SYNJ2BP: variants seen among roughly 807,000 people sequenced by gnomAD.
The protein encoded by SYNJ2BP is synaptojanin-2-binding protein.
In SYNJ2BP, 10 loss-of-function variants were observed where a neutral mutation model predicts 16.9. The ratio of observed to expected loss-of-function variants is 0.59; its 90% CI spans 0.36 to 1.00. The LOEUF is 1.00. Ranked by LOEUF, SYNJ2BP falls within the 50% of genes least tolerant of loss-of-function variation. SYNJ2BP has a pLI of 0.01. For missense variants in SYNJ2BP, 162 were observed against 186.7 expected, an observed-to-expected ratio of 0.87 and a Z score of 0.77; for synonymous variants, 54 against 68.4, an observed-to-expected ratio of 0.79 and a Z score of 1.04.
chr14:70,390,023 C>T (rs528067380), intron 1 of SYNJ2BP, among the ~76,000 whole-genome samples: 11 of 151,070 alleles, frequency 7.3e-5, no homozygotes, highest in Admixed American at 4.0e-4. Flanking sequence ...GTAGATCTCA[C>T]GTTAAGTGTT....
chr14:70,402,209 G>A (rs1888254599), intron 1 of SYNJ2BP, among the ~76,000 whole-genome samples: 1 of 152,114 alleles, frequency 6.6e-6, no homozygotes, highest in Admixed American at 6.5e-5. Context: ...AGATTACTTT[G>A]TACTGTGAAA....
chr14:70,397,737 T>G (rs1013941254), intron 1 of SYNJ2BP, among the ~76,000 whole-genome samples: 9 of 152,176 alleles, frequency 5.9e-5, no homozygotes, highest in African/African-American at 1.7e-4. Context: ...CTTCTCTCTT[T>G]CTCTTCACCC....
At chr14:70,393,269 T>C (rs1045125103) in intron 1 of SYNJ2BP, among the ~76,000 whole-genome samples, 1 of 152,188 alleles carries the variant, frequency 6.6e-6, no homozygotes, top group East Asian at 1.9e-4. Context: ...CTCATGCCAA[T>C]TGGAATGGCG....
intron 1 of SYNJ2BP, among the ~76,000 whole-genome samples, chr14:70,407,620 A>G (rs1192646702): frequency 6.6e-6 from 1 of 152,138 alleles, no homozygotes; most frequent in African/African-American, 2.4e-5. Context: ...ATTTTTAAAT[A>G]AATTCTAAGT....
At chr14:70,385,492 G>A (rs1289529037) in intron 2 of SYNJ2BP, among the ~76,000 whole-genome samples, 1 of 151,994 alleles carries the variant, frequency 6.6e-6, no homozygotes, top group Non-Finnish European at 1.5e-5. Context: ...GAGTAGCTGG[G>A]GGACTACAGG....
At chr14:70,406,378 G>A (rs1888345167) in intron 1 of SYNJ2BP, among the ~76,000 whole-genome samples, 1 of 152,210 alleles carries the variant, frequency 6.6e-6, no homozygotes, top group Non-Finnish European at 1.5e-5. Context: ...ATTCCTGGGT[G>A]TAGGCCAAAC....
intron 1 of SYNJ2BP, among the ~76,000 whole-genome samples, chr14:70,396,775 A>G (rs559486811): frequency 2.6e-5 from 4 of 152,268 alleles, no homozygotes; most frequent in African/African-American, 9.6e-5. Flanking sequence ...GCCATTGGCC[A>G]TTTGTATTAC....
chr14:70,404,462 A>C (rs1888305633), intron 1 of SYNJ2BP, among the ~76,000 whole-genome samples: 1 of 152,252 alleles, frequency 6.6e-6, no homozygotes, highest in African/African-American at 2.4e-5. Context: ...GTTATGCTAA[A>C]TTAAGTAACA....
chr14:70,415,785 G>C (rs1425750120), intron 1 of SYNJ2BP, among the ~76,000 whole-genome samples: 1 of 152,110 alleles, frequency 6.6e-6, no homozygotes, highest in Non-Finnish European at 1.5e-5. Context: ...ATTTATTAGA[G>C]ACTCTTGGAA....
intron 1 of SYNJ2BP, among the ~76,000 whole-genome samples, chr14:70,410,400 G>A (rs751800995): frequency 1.6e-4 from 25 of 152,044 alleles, no homozygotes; most frequent in Non-Finnish European, 1.6e-4. Context: ...CTCCAGCCTC[G>A]GTGACAAAGT....
At chr14:70,391,753 T>A (rs899524965) in intron 1 of SYNJ2BP, among the ~76,000 whole-genome samples, 9 of 152,168 alleles carry the variant, frequency 5.9e-5, no homozygotes, top group African/African-American at 1.9e-4. Context: ...GAAGAAATTT[T>A]ACCGAGATTT....
chr14:70,405,648 A>G (rs1888329956), intron 1 of SYNJ2BP, among the ~76,000 whole-genome samples: 1 of 152,174 alleles, frequency 6.6e-6, no homozygotes, highest in Non-Finnish European at 1.5e-5. Context: ...AAAAAGGGTT[A>G]TGGGAATCTT....
At chr14:70,395,687 G>T (rs1888074708) in intron 1 of SYNJ2BP, among the ~76,000 whole-genome samples, 1 of 152,106 alleles carries the variant, frequency 6.6e-6, no homozygotes, top group Non-Finnish European at 1.5e-5. Context: ...TAATTCAGTG[G>T]CATTAAGTAC....
chr14:70,416,105 G>C lies in SYNJ2BP; in HGVS notation c.64+795C>G, dbSNP rs115155484. Among the ~76,000 whole-genome samples, 347 of 152,224 alleles carry C rather than the reference G, an allele frequency of 2.3e-3. 1 individual carries two copies. Among genetic ancestry groups the C allele is most frequent in the African/African-American group, 8.1e-3 (336 of 41,536 alleles). On this transcript the variant is annotated intron_variant, in intron 1 of 3. Transcript: ENST00000256366. ...GAGCTCTTAATTGATCAACTAAATA[G>C]TTGTAAAGGAAAGTAAACAAAGTCG...
At chr14:70,416,606 C>G (rs2139459139) in intron 1 of SYNJ2BP, among the ~76,000 whole-genome samples, 1 of 152,156 alleles carries the variant, frequency 6.6e-6, no homozygotes, top group South Asian at 2.1e-4. Context: ...GATAAGCAGG[C>G]TAAAAAAGCA....
chr14:70,412,548 CA>C (rs1483879195), intron 1 of SYNJ2BP, among the ~76,000 whole-genome samples: 2 of 145,360 alleles, frequency 1.4e-5, no homozygotes, highest in Admixed American at 1.4e-4. Context: ...AGTATATATA[CA>C]GTATATATAT....
chr14:70,413,845 AC>A (rs1888543280), intron 1 of SYNJ2BP, among the ~76,000 whole-genome samples: 1 of 152,228 alleles, frequency 6.6e-6, no homozygotes, highest in African/African-American at 2.4e-5. Flanking sequence ...CCCTGACAGA[AC>A]ACAAAGGGGG....
In SYNJ2BP at chr14:70,417,049, G is replaced by A; in HGVS notation, c.-86C>T. 6.2e-7 allele frequency: 1 copy of A among 1,602,404 alleles called. No homozygotes were observed. The highest frequency in any genetic ancestry group is 8.5e-7 in the Non-Finnish European group (1 of 1,173,138). The stretch of plus-strand genomic sequence containing the variant: ...AATCAATCTCGGCGCTGCGCCCACA[G>A]CACAGCGGTTTCGGTTTCAGCAGCC... On this transcript the variant is annotated 5_prime_UTR_variant, in exon 1 of 4. Coordinates refer to ENST00000256366, the MANE Select transcript of SYNJ2BP (RefSeq NM_018373.3).
chr14:70,411,979 C>G (rs1171030079), intron 1 of SYNJ2BP, among the ~76,000 whole-genome samples: 1 of 152,208 alleles, frequency 6.6e-6, no homozygotes, highest in African/African-American at 2.4e-5. Flanking sequence ...AGCCTCACAT[C>G]TATTTGATAT....
Sources: gnomAD v4.1 joint callset for allele counts (sites outside exome capture counted in the v4.1 genomes callset) on GRCh38, gnomAD v4.1.1 for gene constraint, MANE v1.5 for transcripts, NCBI Gene and HGNC (gene_info 2026-07-23, HGNC 2026-07-21) for gene names.